Variants in PRR16 observed in about 807,000 individuals in gnomAD.
PRR16 encodes protein Largen.
Under a neutral mutation model 18.2 loss-of-function variants are expected in PRR16, and 6 were observed. That is an observed-to-expected ratio of 0.33 (90% CI 0.18 to 0.65). The LOEUF (loss-of-function observed/expected upper bound fraction) is 0.65. Ranked by LOEUF, PRR16 falls within the 30% of genes least tolerant of loss-of-function variation. PRR16 has a pLI of 0.74. For synonymous variants in PRR16, 151 were observed against 147.8 expected, an observed-to-expected ratio of 1.02 and a Z score of -0.16; for missense variants, 412 against 376.6, an observed-to-expected ratio of 1.09 and a Z score of -0.78.
At chr5:120,533,806 T>C (rs568026472) in intron 1 of PRR16, among the ~76,000 whole-genome samples, 14 of 152,328 alleles carry the variant, frequency 9.2e-5, no homozygotes, top group Admixed American at 9.1e-4. Flanking sequence ...GGAGACTACT[T>C]CAGACTGTTA....
At chr5:120,539,838 T>C (rs1369916600) in intron 1 of PRR16, among the ~76,000 whole-genome samples, 2 of 152,206 alleles carry the variant, frequency 1.3e-5, no homozygotes, top group African/African-American at 2.4e-5. Flanking sequence ...TATTAGGTTT[T>C]TTTTTCTTTT....
chr5:120,639,199 G>A (rs975811516), intron 1 of PRR16, among the ~76,000 whole-genome samples: 4 of 151,802 alleles, frequency 2.6e-5, no homozygotes, highest in African/African-American at 9.7e-5. Flanking sequence ...GCTTATTTTG[G>A]TTTTAATTTA....
chr5:120,641,918 G>C (rs146835198), intron 1 of PRR16, among the ~76,000 whole-genome samples: 4 of 152,040 alleles, frequency 2.6e-5, no homozygotes, highest in Non-Finnish European at 5.9e-5. Flanking sequence ...ATTCTCCACT[G>C]TCCTTACCCT....
chr5:120,473,520 G>T (rs920072582), intron 1 of PRR16, among the ~76,000 whole-genome samples: 3 of 152,134 alleles, frequency 2.0e-5, no homozygotes, highest in Non-Finnish European at 2.9e-5. Flanking sequence ...GTATAGGTTG[G>T]TTATGAAGAT....
At chr5:120,629,052 A>G (rs1754970300) in intron 1 of PRR16, among the ~76,000 whole-genome samples, 1 of 151,992 alleles carries the variant, frequency 6.6e-6, no homozygotes, top group Non-Finnish European at 1.5e-5. Flanking sequence ...ATGCTCAAAT[A>G]GGCCTCAGTG....
intron 1 of PRR16, among the ~76,000 whole-genome samples, chr5:120,645,789 C>T (rs962146368): frequency 6.6e-6 from 1 of 151,866 alleles, no homozygotes; most frequent in African/African-American, 2.4e-5. Context: ...CTCTAGTGAT[C>T]AATTTATCTG....
Position 120,464,425 on chromosome 5 carries a change from G to C in PRR16, c.-62G>C, listed in dbSNP as rs1037854034. The C allele has an allele frequency of 1.9e-5, 29 of 1,488,480 alleles. No individual in the cohort carries two copies. In the Middle Eastern group the frequency reaches 1.4e-3, roughly 69 times the overall value. The allele number at this position is 1,488,480 out of a possible 1,614,324, so 92.2% of individuals were successfully genotyped here. On this transcript the variant is annotated 5_prime_UTR_variant, in exon 1 of 2. Coordinates refer to ENST00000407149, the MANE Select transcript of PRR16 (RefSeq NM_001300783.2). ...CAGCGGCCGTAGCAGCGCCAGGGAC[G>C]GGGGCACGCAGCAGCCTCCGCTCGC...
chr5:120,640,958 T>C (rs972033132), intron 1 of PRR16, among the ~76,000 whole-genome samples: 2 of 152,082 alleles, frequency 1.3e-5, no homozygotes, highest in Non-Finnish European at 1.5e-5. Flanking sequence ...CTAGAGGCAG[T>C]GAATGAGAGA....
At chr5:120,501,140 A>G (rs1010467014) in intron 1 of PRR16, among the ~76,000 whole-genome samples, 6 of 152,220 alleles carry the variant, frequency 3.9e-5, no homozygotes, top group African/African-American at 1.4e-4. Flanking sequence ...GCAGGAATAT[A>G]TAAAGCAAAG....
chr5:120,541,568 A>G (rs1580704752), intron 1 of PRR16, among the ~76,000 whole-genome samples: 1 of 152,246 alleles, frequency 6.6e-6, no homozygotes, highest in South Asian at 2.1e-4. Flanking sequence ...TCTACTTTCA[A>G]GAACTAATGA....
chr5:120,733,043 C>T, the PRR16 span, among the ~76,000 whole-genome samples: 1 of 152,114 alleles, frequency 6.6e-6, no homozygotes, highest in Non-Finnish European at 1.5e-5. Context: ...CCTGAGTGGC[C>T]TCACCCAACA....
intron 1 of PRR16, among the ~76,000 whole-genome samples, chr5:120,585,159 A>G (rs1484203781): frequency 1.3e-5 from 2 of 152,230 alleles, no homozygotes; most frequent in African/African-American, 4.8e-5. Flanking sequence ...AATTCCAACT[A>G]TATGCCTGAG....
the PRR16 span, among the ~76,000 whole-genome samples, chr5:120,793,546 A>T: frequency 1.3e-5 from 2 of 152,120 alleles, no homozygotes; most frequent in Non-Finnish European, 2.9e-5. Context: ...TGCAAAGAGA[A>T]AAAAGAGAGT....
chr5:120,497,952 T>G (rs1750314072), intron 1 of PRR16, among the ~76,000 whole-genome samples: 1 of 151,788 alleles, frequency 6.6e-6, no homozygotes, highest in African/African-American at 2.4e-5. Flanking sequence ...GAGTTTTTAA[T>G]AGACAGAATA....
At chr5:120,596,878 G>A (rs1300955606) in intron 1 of PRR16, among the ~76,000 whole-genome samples, 1 of 151,526 alleles carries the variant, frequency 6.6e-6, no homozygotes, top group Non-Finnish European at 1.5e-5. Flanking sequence ...TTATGCAACA[G>A]TCTTCTTTCT....
the PRR16 span, among the ~76,000 whole-genome samples, chr5:120,712,379 G>T: frequency 0.98 from 148,634 of 152,224 alleles, 72,673 homozygotes; most frequent in East Asian, 1. Flanking sequence ...TTGACCTACA[G>T]CTATACGTTT....
chr5:120,517,212 C>T (rs1201010445), intron 1 of PRR16, among the ~76,000 whole-genome samples: 1 of 152,146 alleles, frequency 6.6e-6, no homozygotes, highest in Non-Finnish European at 1.5e-5. Context: ...TACTTTTCTT[C>T]ATTTTAAATT....
chr5:120,578,579 A>C (rs1425793772), intron 1 of PRR16, among the ~76,000 whole-genome samples: 1 of 152,112 alleles, frequency 6.6e-6, no homozygotes. Flanking sequence ...ACATAATCTC[A>C]TTTCTTTTTA....
chr5:120,612,833 T>C lies in PRR16; in HGVS notation c.160-73121T>C, dbSNP rs114005542. Among the ~76,000 whole-genome samples, 601 of 152,304 alleles carry C rather than the reference T, an allele frequency of 3.9e-3. 2 individuals are homozygous for C. The highest frequency in any genetic ancestry group is 0.014 in the African/African-American group (580 of 41,566). On this transcript the variant is annotated intron_variant, in intron 1 of 1. Transcript: ENST00000407149. The stretch of plus-strand genomic sequence containing the variant: ...ATTGCATTATTTAGTGAAATATGTA[T>C]ATAATATTACTTGCACAAATCATAA...
Sources: allele counts gnomAD v4.1 joint callset (sites outside exome capture counted in the v4.1 genomes callset), GRCh38; gene constraint gnomAD v4.1.1; transcripts MANE v1.5; gene names NCBI Gene and HGNC (gene_info 2026-07-23, HGNC 2026-07-21).